DSE: variants seen among roughly 807,000 people sequenced by gnomAD.
The protein encoded by DSE is dermatan sulfate epimerase.
In DSE, 36 loss-of-function variants were observed where a neutral mutation model predicts 84.4. That is an observed-to-expected ratio of 0.43 (90% CI 0.33 to 0.56). The LOEUF is 0.56. Among genes scored for constraint, DSE ranks in the 20% least tolerant of loss-of-function variants. The probability of loss-of-function intolerance (pLI) is 0.06; values close to 1 mark genes in which losing one functional copy is unlikely to be tolerated. For synonymous variants in DSE, 410 were observed against 430.1 expected, an observed-to-expected ratio of 0.95 and a Z score of 0.58; for missense variants, 862 against 1,169.6, an observed-to-expected ratio of 0.74 and a Z score of 3.84.
At chr6:116,346,741 T>C (rs995143826) in intron 2 of DSE, among the ~76,000 whole-genome samples, 3 of 152,112 alleles carry the variant, frequency 2.0e-5, no homozygotes, top group Non-Finnish European at 4.4e-5. Flanking sequence ...ACCACTCCTA[T>C]TCAAAATAGT....
intron 2 of DSE, among the ~76,000 whole-genome samples, chr6:116,327,190 G>T (rs562066710): frequency 6.2e-4 from 94 of 152,274 alleles, no homozygotes; most frequent in African/African-American, 2.2e-3. Flanking sequence ...TTCTGCTCCA[G>T]AACAAACTCT....
At chr6:116,354,613 GATTTA>G (rs2114860814) in intron 2 of DSE, among the ~76,000 whole-genome samples, 1 of 152,250 alleles carries the variant, frequency 6.6e-6, no homozygotes, top group Non-Finnish European at 1.5e-5. Context: ...TTGGTGAGGT[GATTTA>G]TCTTCAGAAT....
intron 2 of DSE, among the ~76,000 whole-genome samples, chr6:116,340,446 T>C (rs879581063): frequency 1.3e-5 from 2 of 152,186 alleles, no homozygotes; most frequent in Non-Finnish European, 2.9e-5. Flanking sequence ...TTCTAATTTC[T>C]ATCACCTGAG....
intron 1 of DSE, among the ~76,000 whole-genome samples, chr6:116,387,775 G>A (rs1780659177): frequency 1.3e-5 from 2 of 152,112 alleles, no homozygotes; most frequent in South Asian, 4.1e-4. Context: ...CACGTTCTTT[G>A]CACAGTAAAA....
chr6:116,362,636 A>C (rs1778969439), intron 2 of DSE, among the ~76,000 whole-genome samples: 1 of 152,098 alleles, frequency 6.6e-6, no homozygotes, highest in African/African-American at 2.4e-5. Context: ...GTGAGAAATA[A>C]ATTTCTATTG....
intron 4 of DSE, among the ~76,000 whole-genome samples, chr6:116,431,914 C>G (rs547640355): frequency 1.3e-5 from 2 of 152,084 alleles, no homozygotes; most frequent in African/African-American, 4.8e-5. Flanking sequence ...TAGATTCCCC[C>G]CCTTCCCCAA....
rs1783460429 is a variant in DSE at position 116,426,473 on chromosome 6, C to G, written c.417-101C>G. On this transcript the variant is annotated intron_variant, in intron 2 of 5. Transcript: ENST00000644252. ...GTGTCATTAAGCCCTTGGATTATAT[C>G]TTCAAGTGTGCCCTTTAGTTCTGAG... The G allele has an allele frequency of 2.7e-6, 4 of 1,479,104 alleles. No homozygotes were observed. In the East Asian group the frequency reaches 9.1e-5, roughly 34 times the overall value. 91.6% of individuals were successfully genotyped at this position (1,479,104 alleles called of 1,614,324 possible). A position where few individuals can be genotyped will look rare whatever the true frequency, so the allele number is the denominator to read the frequency against.
intron 2 of DSE, among the ~76,000 whole-genome samples, chr6:116,338,969 T>C (rs1193095018): frequency 1.3e-5 from 2 of 152,232 alleles, no homozygotes; most frequent in Non-Finnish European, 2.9e-5. Flanking sequence ...CAGAAATGTT[T>C]GCTCCAATCT....
chr6:116,287,849 G>A (rs1341040811), intron 2 of DSE, among the ~76,000 whole-genome samples: 2 of 152,036 alleles, frequency 1.3e-5, no homozygotes, highest in Non-Finnish European at 2.9e-5. Flanking sequence ...AATACTGCTA[G>A]GCATGTCATT....
At chr6:116,258,950 AC>A in exon 2 of DSE, 1 of 1,515,146 alleles carries the variant, frequency 6.6e-7, no homozygotes, top group Non-Finnish European at 9.2e-7. Context: ...TTGGCGGCAT[AC>A]CACCCTGCAC....
intron 1 of DSE, among the ~76,000 whole-genome samples, chr6:116,398,085 GA>G (rs3836984): frequency 0.22 from 33,273 of 152,038 alleles, 4,571 homozygotes; most frequent in Middle Eastern, 0.38. Context: ...TTTAATAATT[GA>G]AAACCACTGT....
In DSE at chr6:116,439,625, A is replaced by G. The variant is rs1396474600; in HGVS notation, c.*2280A>G. The G allele has an allele frequency of 1.3e-5, 2 of 152,210 alleles. No individual in the cohort carries two copies. Among genetic ancestry groups the G allele is most frequent in the Non-Finnish European group, 2.9e-5 (2 of 68,022 alleles). The allele number at this position is 152,210 out of a possible 1,614,324, so 9.4% of individuals were successfully genotyped here. On this transcript the variant is annotated 3_prime_UTR_variant, in exon 6 of 6. Transcript: ENST00000644252. ...AGGGAACTTTTTGTAACTTGAAAACAAAGCAATGTTAAATCTCCCTTGAAA... is the reference window on the plus strand; with the variant it reads ...AGGGAACTTTTTGTAACTTGAAAACGAAGCAATGTTAAATCTCCCTTGAAA...
chr6:116,329,807 G>T (rs1323177507), intron 2 of DSE, among the ~76,000 whole-genome samples: 1 of 152,140 alleles, frequency 6.6e-6, no homozygotes, highest in Non-Finnish European at 1.5e-5. Context: ...AGGCAAACCA[G>T]TATATAGGTA....
rs184691222 is a variant in DSE at position 116,387,157 on chromosome 6, A to C, written c.-53-12041A>C. On this transcript the variant is annotated intron_variant, in intron 1 of 5. Transcript: ENST00000644252. The stretch of plus-strand genomic sequence containing the variant: ...GACAAAGGGCTAGAGGAACAGAGAA[A>C]CTAACCCACAAGTATATGTGATATT... Among the ~76,000 whole-genome samples, 520 of 152,312 alleles carry C rather than the reference A, an allele frequency of 3.4e-3. 13 individuals carry two copies. The highest frequency in any genetic ancestry group is 6.6e-4 in the Non-Finnish European group (45 of 68,028).
intron 2 of DSE, among the ~76,000 whole-genome samples, chr6:116,260,575 G>A (rs1772369738): frequency 6.6e-6 from 1 of 152,092 alleles, no homozygotes; most frequent in Admixed American, 6.5e-5. Flanking sequence ...TGTCCAGAAT[G>A]GTATTTCCTA....
At chr6:116,424,361 C>G (rs1041980810) in intron 2 of DSE, among the ~76,000 whole-genome samples, 2 of 152,222 alleles carry the variant, frequency 1.3e-5, no homozygotes, top group Admixed American at 1.3e-4. Context: ...GGAGCTTTGT[C>G]TGTTACTAAA....
At position 116,436,912 on chromosome 6, in the gene DSE, G is replaced by T. The variant is rs751773388; in HGVS notation, c.2444G>T (p.Arg815Leu). Residue 815 changes from arginine to leucine, a missense_variant, in exon 6 of 6, where the codon CGC becomes CTC. Physicochemically the swap from Arg to Leu is moderately radical, Grantham distance 102 (BLOSUM62 -2). Coordinates refer to ENST00000644252, the MANE Select transcript of DSE (RefSeq NM_013352.4). The stretch of plus-strand genomic sequence containing the variant: ...AAGAAAAACCGAAGGGCAGGCAAAC[G>T]CTATAAATTTGTGGATGCTGTCCCT... ...KSKKNRRAGK[R>L]YKFVDAVPDI... 1.2e-6 allele frequency: 2 copies of T among 1,614,062 alleles called. No homozygotes were observed. Among genetic ancestry groups the T allele is most frequent in the Non-Finnish European group, 1.7e-6 (2 of 1,180,016 alleles).
At chr6:116,428,275 A>G (rs1783581512) in intron 3 of DSE, among the ~76,000 whole-genome samples, 1 of 152,200 alleles carries the variant, frequency 6.6e-6, no homozygotes, top group South Asian at 2.1e-4. Flanking sequence ...CAAACCATTT[A>G]TAAAGCCCCA....
At chr6:116,259,840 A>G (rs1163697682) in intron 2 of DSE, among the ~76,000 whole-genome samples, 2 of 152,170 alleles carry the variant, frequency 1.3e-5, no homozygotes, top group African/African-American at 4.8e-5. Context: ...TTATGGCTGC[A>G]TAGTATTCTG....
Sources: allele counts gnomAD v4.1 joint callset (sites outside exome capture counted in the v4.1 genomes callset), GRCh38; gene constraint gnomAD v4.1.1; transcripts MANE v1.5; gene names NCBI Gene and HGNC (gene_info 2026-07-23, HGNC 2026-07-21).